NKAIN3: variants seen among roughly 807,000 people sequenced by gnomAD.
NKAIN3 encodes the protein sodium/potassium transporting ATPase interacting 3, also known as sodium/potassium-transporting ATPase subunit beta-1-interacting protein 3.
Under a neutral mutation model 30.2 loss-of-function variants are expected in NKAIN3, and 25 were observed. That is an observed-to-expected ratio of 0.83 (90% CI 0.60 to 1.16). NKAIN3 has a LOEUF of 1.16. Among genes scored for constraint, NKAIN3 ranks in the 50% most tolerant of loss-of-function variants. The pLI, the probability that NKAIN3 is intolerant of heterozygous loss-of-function variation, is 0.00. For synonymous variants in NKAIN3, 91 were observed against 89.6 expected (o/e 1.02, Z -0.09); for missense variants, 225 against 254.1 (o/e 0.89, Z 0.78).
intron 3 of NKAIN3, among the ~76,000 whole-genome samples, chr8:62,709,873 C>T (rs959174162): frequency 6.6e-5 from 10 of 151,980 alleles, no homozygotes; most frequent in Non-Finnish European, 1.0e-4. Flanking sequence ...ATGAACTTTC[C>T]TCTTAGCACC....
intron 1 of NKAIN3, among the ~76,000 whole-genome samples, chr8:62,541,417 C>A (rs146965607): frequency 6.6e-6 from 1 of 152,238 alleles, no homozygotes; most frequent in African/African-American, 2.4e-5. Flanking sequence ...TCCTTCCTGG[C>A]CCAAGTTAAT....
intron 1 of NKAIN3, among the ~76,000 whole-genome samples, chr8:62,295,460 G>C (rs988343656): frequency 5.3e-5 from 8 of 152,150 alleles, no homozygotes; most frequent in Admixed American, 1.3e-4. Flanking sequence ...ATCATGGTTT[G>C]AATCCTGATT....
At chr8:62,684,846 CAGA>C (rs1475524077) in intron 3 of NKAIN3, among the ~76,000 whole-genome samples, 1 of 152,088 alleles carries the variant, frequency 6.6e-6, no homozygotes, top group African/African-American at 2.4e-5. Context: ...ATGAAGACAG[CAGA>C]AGAAGATGGC....
intron 1 of NKAIN3, among the ~76,000 whole-genome samples, chr8:62,433,503 G>T (rs1585803320): frequency 6.6e-6 from 1 of 152,070 alleles, no homozygotes; most frequent in African/African-American, 2.4e-5. Context: ...TAAGTTATTT[G>T]CATTTTATAG....
intron 1 of NKAIN3, among the ~76,000 whole-genome samples, chr8:62,378,708 G>A (rs1175943577): frequency 3.3e-5 from 5 of 152,304 alleles, no homozygotes; most frequent in African/African-American, 1.2e-4. Flanking sequence ...ATTGAGGTTG[G>A]GGAACCTCCA....
At chr8:62,461,905 G>C (rs1806011352) in intron 1 of NKAIN3, among the ~76,000 whole-genome samples, 1 of 152,168 alleles carries the variant, frequency 6.6e-6, no homozygotes, top group African/African-American at 2.4e-5. Context: ...GAAGCAAGAA[G>C]AATAACTGAG....
Position 62,622,601 on chromosome 8 carries a change from G to A in NKAIN3, c.273+32807G>A, listed in dbSNP as rs199561172. Among the ~76,000 whole-genome samples, 26 of 151,752 alleles carry A rather than the reference G, an allele frequency of 1.7e-4. No individual in the cohort carries two copies. The East Asian group carries it at 2.3e-3, about 14-fold the overall frequency. ...TAAAATGCTTCTTCTTGTCTTTTGCGCATTTTCTAATTGGATTATTTGGTT... is the reference window on the plus strand; with the variant it reads ...TAAAATGCTTCTTCTTGTCTTTTGCACATTTTCTAATTGGATTATTTGGTT... On this transcript the variant is annotated intron_variant, in intron 3 of 6. Coordinates refer to ENST00000623646, the MANE Select transcript of NKAIN3 (RefSeq NM_001304533.3).
intron 4 of NKAIN3, among the ~76,000 whole-genome samples, chr8:62,810,882 G>A (rs190241903): frequency 2.2e-4 from 33 of 152,164 alleles, no homozygotes; most frequent in Middle Eastern, 3.4e-3. Context: ...TATAAAGGAA[G>A]AGCTTGTGTA....
chr8:62,369,873 C>A (rs1044793480), intron 1 of NKAIN3, among the ~76,000 whole-genome samples: 1 of 151,618 alleles, frequency 6.6e-6, no homozygotes, highest in Non-Finnish European at 1.5e-5. Context: ...GACTTTTCTG[C>A]TGATGTTGAG....
chr8:62,524,982 A>C (rs1309357312), intron 1 of NKAIN3, among the ~76,000 whole-genome samples: 1 of 151,416 alleles, frequency 6.6e-6, no homozygotes, highest in Admixed American at 6.6e-5. Context: ...CCCACACAAA[A>C]CCATCTATTG....
chr8:62,618,793 C>T (rs978976054), intron 3 of NKAIN3, among the ~76,000 whole-genome samples: 7 of 152,096 alleles, frequency 4.6e-5, no homozygotes, highest in Admixed American at 3.3e-4. Context: ...ATAATCCCAG[C>T]TACTCCAGAA....
At chr8:62,801,709 C>T (rs555766387) in intron 4 of NKAIN3, among the ~76,000 whole-genome samples, 67 of 152,290 alleles carry the variant, frequency 4.4e-4, no homozygotes, top group South Asian at 8.3e-4. Context: ...AAGAGCAGAG[C>T]GCCTCTCCTC....
intron 1 of NKAIN3, among the ~76,000 whole-genome samples, chr8:62,450,492 T>C (rs1372899731): frequency 6.6e-6 from 1 of 152,162 alleles, no homozygotes; most frequent in Non-Finnish European, 1.5e-5. Flanking sequence ...TAATAATAAT[T>C]ACATAATTGC....
intron 1 of NKAIN3, among the ~76,000 whole-genome samples, chr8:62,369,369 G>A (rs2129593119): frequency 6.6e-6 from 1 of 152,142 alleles, no homozygotes; most frequent in Middle Eastern, 3.4e-3. Context: ...ATATTTGTTT[G>A]ATCTGCATAC....
intron 4 of NKAIN3, among the ~76,000 whole-genome samples, chr8:62,847,610 A>C (rs72653294): frequency 6.6e-6 from 1 of 152,182 alleles, no homozygotes; most frequent in Admixed American, 6.6e-5. Context: ...GAGTGCAAAA[A>C]ACTGTCTCCC....
At chr8:62,919,653 ATTGT>A (rs1334933066) in intron 5 of NKAIN3, among the ~76,000 whole-genome samples, 1 of 152,234 alleles carries the variant, frequency 6.6e-6, no homozygotes, top group East Asian at 1.9e-4. Context: ...CATTGCAGTC[ATTGT>A]TTGAATTTGT....
chr8:62,804,464 A>G (rs1052741098), intron 4 of NKAIN3, among the ~76,000 whole-genome samples: 18 of 152,338 alleles, frequency 1.2e-4, no homozygotes, highest in African/African-American at 4.1e-4. Context: ...GATCAAGTGG[A>G]CTTCATCCCT....
chr8:62,862,995 A>C lies in NKAIN3; in HGVS notation c.472-55458A>C, dbSNP rs60904682. On this transcript the variant is annotated intron_variant, in intron 4 of 6. Coordinates refer to ENST00000623646, the MANE Select transcript of NKAIN3 (RefSeq NM_001304533.3). ...TATGTGTGTGCATGTGTATGCATAC[A>C]TATGTTGGTATGTAACCACACGTGT... is the stretch of plus-strand genomic sequence containing the variant. The C allele has an allele frequency of 5.0e-3, 2,716 of 539,026 alleles. 66 individuals carry two copies. Among genetic ancestry groups the C allele is most frequent in the African/African-American group, 0.047 (2,506 of 52,878 alleles). 33.4% of individuals were successfully genotyped at this position (539,026 alleles called of 1,614,324 possible).
At position 62,747,030 on chromosome 8, in the gene NKAIN3, T is replaced by C; in HGVS notation, c.372T>C (p.His124=). ...CVRRVLPPSA[H]GMMDDYTYVS... is the part of the protein sequence containing the mutation. Reference sequence around the variant, plus strand: ...GAAGAGTGCTGCCTCCCTCAGCCCATGGCATGATGGACGATTACACGTACG... The same window carrying C: ...GAAGAGTGCTGCCTCCCTCAGCCCACGGCATGATGGACGATTACACGTACG... Residue 124 remains histidine, a synonymous_variant, in exon 4 of 7, where the codon CAT becomes CAC. Coordinates refer to ENST00000623646, the MANE Select transcript of NKAIN3 (RefSeq NM_001304533.3). 2 of 1,613,774 alleles carry C rather than the reference T, an allele frequency of 1.2e-6. No homozygotes were observed. Among genetic ancestry groups the C allele is most frequent in the Non-Finnish European group, 1.7e-6 (2 of 1,179,678 alleles).
Sources: allele counts gnomAD v4.1 joint callset (sites outside exome capture counted in the v4.1 genomes callset), GRCh38; gene constraint gnomAD v4.1.1; transcripts MANE v1.5; gene names NCBI Gene and HGNC (gene_info 2026-07-23, HGNC 2026-07-21).